SNTG2: variants seen among roughly 807,000 people sequenced by gnomAD.
SNTG2 encodes syntrophin gamma 2, also known as gamma-2-syntrophin.
SNTG2 carries 74 observed loss-of-function variants against 70.9 expected under a neutral mutation model. The ratio of observed to expected loss-of-function variants is 1.04; its 90% CI spans 0.86 to 1.27. SNTG2 has a LOEUF of 1.27. SNTG2 is among the 50% of genes most tolerant of loss of function. The pLI is 0.00. For synonymous variants in SNTG2, 278 were observed against 273.8 expected, an observed-to-expected ratio of 1.02 and a Z score of -0.15; for missense variants, 717 against 690.7, an observed-to-expected ratio of 1.04 and a Z score of -0.43.
intron 16 of SNTG2, among the ~76,000 whole-genome samples, chr2:1,347,581 C>T (rs1427801567): frequency 6.6e-6 from 1 of 152,254 alleles, no homozygotes; most frequent in Admixed American, 6.5e-5. Flanking sequence ...CTGTCAGGCC[C>T]CTGTCTGGCT....
At chr2:1,091,790 C>T (rs952120740) in intron 2 of SNTG2, among the ~76,000 whole-genome samples, 1 of 152,154 alleles carries the variant, frequency 6.6e-6, no homozygotes, top group African/African-American at 2.4e-5. Context: ...TATTGAAATC[C>T]TTCTAATAAG....
chr2:994,548 A>G (rs546304312), intron 1 of SNTG2, among the ~76,000 whole-genome samples: 1 of 152,246 alleles, frequency 6.6e-6, no homozygotes, highest in South Asian at 2.1e-4. Context: ...TTTTAGAATT[A>G]GCTTGTCAAT....
intron 1 of SNTG2, among the ~76,000 whole-genome samples, chr2:1,029,200 A>G (rs780669301): frequency 1.3e-5 from 2 of 152,234 alleles, no homozygotes; most frequent in Non-Finnish European, 2.9e-5. Context: ...TAGAATTGGT[A>G]CGTTACCAAA....
intron 1 of SNTG2, among the ~76,000 whole-genome samples, chr2:1,029,849 C>A (rs34808515): frequency 0.43 from 64,748 of 152,052 alleles, 14,665 homozygotes; most frequent in African/African-American, 0.58. Flanking sequence ...ACAGTGGCAG[C>A]CCAAGTAACT....
intron 4 of SNTG2, among the ~76,000 whole-genome samples, chr2:1,120,781 T>G (rs563956561): frequency 5.6e-4 from 85 of 152,082 alleles, no homozygotes; most frequent in Middle Eastern, 3.4e-3. Context: ...CATAAAGAGA[T>G]AAATACATAG....
At chr2:1,229,393 C>A (rs2148070562) in intron 9 of SNTG2, among the ~76,000 whole-genome samples, 1 of 152,282 alleles carries the variant, frequency 6.6e-6, no homozygotes, top group East Asian at 1.9e-4. Flanking sequence ...ATTCACAAAC[C>A]CTGAGCTAGA....
At chr2:1,188,678 C>T (rs4971409) in intron 8 of SNTG2, among the ~76,000 whole-genome samples, 47,924 of 151,948 alleles carry the variant, frequency 0.32, 8,136 homozygotes, top group East Asian at 0.65. Flanking sequence ...CTACAAAATA[C>T]ATAAATTTTT....
At chr2:1,268,931 C>T (rs1678883754) in intron 14 of SNTG2, among the ~76,000 whole-genome samples, 1 of 152,086 alleles carries the variant, frequency 6.6e-6, no homozygotes, top group Non-Finnish European at 1.5e-5. Context: ...CCCTCTAGTG[C>T]CCCAGGGCCC....
chr2:1,099,642 G>C (rs1443231457), intron 4 of SNTG2, among the ~76,000 whole-genome samples: 2 of 152,144 alleles, frequency 1.3e-5, no homozygotes, highest in African/African-American at 4.8e-5. Flanking sequence ...TGAGGGCAGC[G>C]ATGGTCAGGT....
intron 1 of SNTG2, among the ~76,000 whole-genome samples, chr2:988,436 A>AT (rs369503795): frequency 1.3e-5 from 2 of 151,670 alleles, no homozygotes; most frequent in African/African-American, 2.4e-5. Flanking sequence ...TGGAGTTTTG[A>AT]TTTTTTTTGG....
intron 13 of SNTG2, among the ~76,000 whole-genome samples, chr2:1,260,078 G>C (rs1312595760): frequency 1.3e-5 from 2 of 152,206 alleles, no homozygotes; most frequent in Non-Finnish European, 2.9e-5. Context: ...TTTTCATGTA[G>C]GAGTACACAA....
At chr2:1,287,598 C>G (rs1165524090) in intron 14 of SNTG2, among the ~76,000 whole-genome samples, 1 of 152,186 alleles carries the variant, frequency 6.6e-6, no homozygotes, top group Non-Finnish European at 1.5e-5. Context: ...GTGCAGGTGG[C>G]AGAGTGACGG....
chr2:1,181,795 G>A (rs1671917950), intron 8 of SNTG2, among the ~76,000 whole-genome samples: 1 of 152,004 alleles, frequency 6.6e-6, no homozygotes, highest in Admixed American at 6.6e-5. Context: ...GTTTCTAGTT[G>A]CCACATATCC....
chr2:995,128 A>G (rs1222490396), intron 1 of SNTG2, among the ~76,000 whole-genome samples: 2 of 151,862 alleles, frequency 1.3e-5, no homozygotes, highest in Non-Finnish European at 2.9e-5. Flanking sequence ...GAATAAACGT[A>G]TTTGTCCCAT....
At position 1,109,438 on chromosome 2, in the gene SNTG2, T is replaced by C. The variant is rs377571886; in HGVS notation, c.325+11028T>C. On this transcript the variant is annotated intron_variant, in intron 4 of 16. Coordinates refer to ENST00000308624, the MANE Select transcript of SNTG2 (RefSeq NM_018968.4). ...GCCATCTGCATAGGAATTCCTGACA[T>C]TGATACTTGTCATACGAAAATAACT... Among the ~76,000 whole-genome samples the C allele has an allele frequency of 3.4e-4, 52 of 152,244 alleles. 1 individual carries two copies. The highest frequency in any genetic ancestry group is 1.2e-3 in the Admixed American group (18 of 15,300).
At position 1,179,703 on chromosome 2, in the gene SNTG2, T is replaced by C. The variant is rs1359071272; in HGVS notation, c.591+6520T>C. Among the ~76,000 whole-genome samples the C allele has an allele frequency of 5.9e-5, 9 of 151,714 alleles. No homozygotes were observed. The South Asian group carries it at 1.3e-3, about 21-fold the overall frequency. On this transcript the variant is annotated intron_variant, in intron 8 of 16. Transcript: ENST00000308624. ...GCTACCAATGACTTTCTTCACAGAA[T>C]TGGAAAAAACTACTTTAAAGTTCAT...
intron 11 of SNTG2, among the ~76,000 whole-genome samples, chr2:1,243,242 A>G (rs898724763): frequency 6.6e-6 from 1 of 152,142 alleles, no homozygotes; most frequent in African/African-American, 2.4e-5. Context: ...TGTGCCAAAC[A>G]CTGTGTCAAC....
chr2:1,045,804 G>A (rs553908332), intron 1 of SNTG2, among the ~76,000 whole-genome samples: 44 of 152,180 alleles, frequency 2.9e-4, no homozygotes, highest in South Asian at 2.7e-3. Context: ...TGAGCATGTG[G>A]TTAATTTTAG....
intron 16 of SNTG2, among the ~76,000 whole-genome samples, chr2:1,357,347 TAATGA>T (rs1191308818): frequency 2.6e-5 from 4 of 152,172 alleles, no homozygotes; most frequent in Non-Finnish European, 5.9e-5. Flanking sequence ...ATTACTTTTA[TAATGA>T]AAGACTGCTG....
Sources: allele counts gnomAD v4.1 joint callset (sites outside exome capture counted in the v4.1 genomes callset), GRCh38; gene constraint gnomAD v4.1.1; transcripts MANE v1.5; gene names NCBI Gene and HGNC (gene_info 2026-07-23, HGNC 2026-07-21).